SVOPL: variants seen among roughly 807,000 people sequenced by gnomAD.
SVOPL encodes SVOP like, also known as putative transporter SVOPL.
A neutral mutation model predicts 61.0 loss-of-function variants in SVOPL; 60 were observed. The ratio of observed to expected loss-of-function variants is 0.98; its 90% CI spans 0.80 to 1.22. The LOEUF (loss-of-function observed/expected upper bound fraction) is 1.22. Ranked by LOEUF, SVOPL falls within the 50% of genes most tolerant of loss-of-function variation. SVOPL has a pLI of 0.00. For synonymous variants in SVOPL, 279 were observed against 250.0 expected, an observed-to-expected ratio of 1.12 and a Z score of -1.09; for missense variants, 662 against 643.9, an observed-to-expected ratio of 1.03 and a Z score of -0.30.
chr7:138,618,929 C>T (rs1799426642), intron 14 of SVOPL, among the ~76,000 whole-genome samples: 1 of 152,080 alleles, frequency 6.6e-6, no homozygotes, highest in Non-Finnish European at 1.5e-5. Flanking sequence ...GCATTACGGC[C>T]CCAGGAGACC....
At chr7:138,639,250 G>A (rs965302796) in intron 9 of SVOPL, among the ~76,000 whole-genome samples, 1 of 151,924 alleles carries the variant, frequency 6.6e-6, no homozygotes, top group African/African-American at 2.4e-5. Context: ...GCAAGATTCT[G>A]TCTCAAAAAA....
At chr7:138,622,270 G>A (rs28838300) in intron 13 of SVOPL, among the ~76,000 whole-genome samples, 1 of 83,740 alleles carries the variant, frequency 1.2e-5, no homozygotes, top group Non-Finnish European at 2.7e-5. Flanking sequence ...ATCTATCTAT[G>A]TATCTATCTA....
At chr7:138,603,087 A>G (rs963279) in intron 14 of SVOPL, among the ~76,000 whole-genome samples, 40,343 of 152,082 alleles carry the variant, frequency 0.27, 6,414 homozygotes, top group East Asian at 0.37. Flanking sequence ...ATATGACTGG[A>G]ACACACACAG....
At chr7:138,611,383 C>T (rs1798993290) in intron 14 of SVOPL, among the ~76,000 whole-genome samples, 1 of 151,408 alleles carries the variant, frequency 6.6e-6, no homozygotes, top group African/African-American at 2.4e-5. Flanking sequence ...GTCTCAAAAA[C>T]CCCCAACCCC....
At chr7:138,697,289 T>A (rs1343613244) in intron 1 of SVOPL, among the ~76,000 whole-genome samples, 1 of 152,078 alleles carries the variant, frequency 6.6e-6, no homozygotes, top group African/African-American at 2.4e-5. Flanking sequence ...TTTACCATAG[T>A]TTTTAAAAAT....
intron 14 of SVOPL, among the ~76,000 whole-genome samples, chr7:138,616,340 C>CTT (rs5887891): frequency 0.1 from 14,820 of 146,072 alleles, 1,035 homozygotes; most frequent in African/African-American, 0.2. Flanking sequence ...ATCTTTAATA[C>CTT]TTTTTTTTTT....
At chr7:138,660,832 G>A in intron 5 of SVOPL, 1 of 982,530 alleles carries the variant, frequency 1.0e-6, no homozygotes, top group African/African-American at 1.7e-5. Flanking sequence ...CACCAACAGG[G>A]TGTTATATAT....
At chr7:138,680,085 T>C (rs946498813) in intron 1 of SVOPL, among the ~76,000 whole-genome samples, 1 of 152,022 alleles carries the variant, frequency 6.6e-6, no homozygotes, top group Non-Finnish European at 1.5e-5. Flanking sequence ...AAGATGGCTT[T>C]GATACAGAAA....
At chr7:138,696,686 A>T (rs1000737622) in intron 1 of SVOPL, among the ~76,000 whole-genome samples, 1 of 152,056 alleles carries the variant, frequency 6.6e-6, no homozygotes, top group Non-Finnish European at 1.5e-5. Context: ...AGCCTCCCAA[A>T]GTGCTAGGAT....
chr7:138,688,060 C>A (rs1159836020), intron 1 of SVOPL, among the ~76,000 whole-genome samples: 1 of 152,170 alleles, frequency 6.6e-6, no homozygotes, highest in Non-Finnish European at 1.5e-5. Context: ...CTCGGCCCCC[C>A]ACAGTGCTGG....
intron 1 of SVOPL, among the ~76,000 whole-genome samples, chr7:138,698,996 C>A (rs1172697397): frequency 6.6e-6 from 1 of 152,072 alleles, no homozygotes; most frequent in Non-Finnish European, 1.5e-5. Flanking sequence ...ACTAAAAATA[C>A]AAAAAATTAG....
At chr7:138,619,561 T>TAAAAAAAAAAAAAA (rs11440977) in intron 14 of SVOPL, among the ~76,000 whole-genome samples, 1 of 60,298 alleles carries the variant, frequency 1.7e-5, no homozygotes, top group Non-Finnish European at 3.1e-5. Context: ...TCTCAGATGT[T>TAAAAAAAAAAAAAA]AAAAAAAAAA....
In SVOPL at chr7:138,635,057, G is replaced by C. The variant is rs188596222; in HGVS notation, c.790-4935C>G. Among the ~76,000 whole-genome samples, 9 of 152,246 alleles carry C rather than the reference G, an allele frequency of 5.9e-5. No homozygotes were observed. In the East Asian group the frequency reaches 1.2e-3, roughly 20 times the overall value. On this transcript the variant is annotated intron_variant, in intron 9 of 15. Coordinates refer to ENST00000674285, the MANE Select transcript of SVOPL (RefSeq NM_001139456.2). ...GGAGGCCAAGGCAGATGGATCACCT[G>C]AGGTCGGGAGTTCGAGACCAGCCTG... is the stretch of plus-strand genomic sequence containing the variant.
chr7:138,680,778 C>T (rs147830159), intron 1 of SVOPL, among the ~76,000 whole-genome samples: 3,897 of 152,178 alleles, frequency 0.026, 91 homozygotes, highest in South Asian at 0.089. Context: ...CGGAGTTTCA[C>T]CGTGTTAGCC....
At chr7:138,595,054 C>G (rs1770639817) in intron 15 of SVOPL, among the ~76,000 whole-genome samples, 1 of 151,964 alleles carries the variant, frequency 6.6e-6, no homozygotes, top group Admixed American at 6.6e-5. Context: ...CTGTACCTGG[C>G]CAATATTCTC....
At chr7:138,629,600 C>T (rs1800077881) in intron 10 of SVOPL, among the ~76,000 whole-genome samples, 1 of 152,156 alleles carries the variant, frequency 6.6e-6, no homozygotes. Flanking sequence ...TAAAACTCAT[C>T]AATCTTTTCC....
At position 138,627,418 on chromosome 7, in the gene SVOPL, C is replaced by T; in HGVS notation, c.1113G>A (p.Arg371=). 1 of 1,613,770 alleles carries T rather than the reference C, an allele frequency of 6.2e-7. No homozygotes were observed. Among genetic ancestry groups the T allele is most frequent in the Non-Finnish European group, 8.5e-7 (1 of 1,179,708 alleles). ...NILGINFLGR[R]LSLSITMGCT... is the part of the protein sequence containing the mutation. ...ATCCCATGGTAATAGAAAGGCTCAG[C>T]CGTCTTCCCAGGAAATTGATGCCCA... The change falls in exon 12 of 16, where the codon CGG becomes CGA. Residue 371 remains arginine, a synonymous_variant. Coordinates refer to ENST00000674285, the MANE Select transcript of SVOPL (RefSeq NM_001139456.2).
chr7:138,631,709 C>T (rs1384585978), intron 9 of SVOPL, among the ~76,000 whole-genome samples: 1 of 152,266 alleles, frequency 6.6e-6, no homozygotes, highest in African/African-American at 2.4e-5. Flanking sequence ...GCTGGGAGTA[C>T]AGGTGTACAT....
rs1291834094 is a variant in SVOPL at position 138,659,944 on chromosome 7, C to G, written c.390G>C (p.Leu130=). ...AGATGTACGAAGGAGCAAACGAGGTCAGCAAGGAGAAATAGGCTCCCCACA... is the reference window on the plus strand; with the variant it reads ...AGATGTACGAAGGAGCAAACGAGGTGAGCAAGGAGAAATAGGCTCCCCACA... ...SFLWGAYFSL[L]TSFAPSYIWF... is the part of the protein sequence containing the mutation. Residue 130 remains leucine, a synonymous_variant, in exon 6 of 16, where the codon CTG becomes CTC. Transcript: ENST00000674285. The G allele has an allele frequency of 6.4e-7, 1 of 1,551,514 alleles. No homozygotes were observed. Among genetic ancestry groups the G allele is most frequent in the Admixed American group, 2.0e-5 (1 of 50,976 alleles).
Sources: gnomAD v4.1 joint callset for allele counts (sites outside exome capture counted in the v4.1 genomes callset) on GRCh38, gnomAD v4.1.1 for gene constraint, MANE v1.5 for transcripts, NCBI Gene and HGNC (gene_info 2026-07-23, HGNC 2026-07-21) for gene names.